Variants in RASAL2 observed in about 807,000 individuals in gnomAD.
The protein encoded by RASAL2 is ras GTPase-activating protein nGAP.
In RASAL2, 58 loss-of-function variants were observed where a neutral mutation model predicts 128.9. The observed-to-expected ratio is 0.45, with a 90% CI of 0.36 to 0.56. RASAL2 has a LOEUF of 0.56. RASAL2 is among the 20% of genes least tolerant of loss of function. RASAL2 has a pLI of 0.00. For synonymous variants in RASAL2, 561 were observed against 580.8 expected (o/e 0.97, Z 0.49); for missense variants, 1,360 against 1,601.6 (o/e 0.85, Z 2.57).
chr1:178,278,563 T>C (rs1054538431), intron 1 of RASAL2, among the ~76,000 whole-genome samples: 2 of 152,194 alleles, frequency 1.3e-5, no homozygotes, highest in African/African-American at 4.8e-5. Context: ...TAGTAAATGA[T>C]GTGATTCAAA....
intron 1 of RASAL2, among the ~76,000 whole-genome samples, chr1:178,129,207 T>C (rs1290876821): frequency 2.6e-5 from 4 of 152,264 alleles, no homozygotes; most frequent in Admixed American, 1.3e-4. Context: ...TCCACTAGTA[T>C]TGTATAAGGG....
rs1427270679 is a variant in RASAL2 at position 178,135,331 on chromosome 1, G to GGGAT, written c.202+40637_202+40638insGGAT. On this transcript the variant is annotated intron_variant, in intron 1 of 17. Transcript: ENST00000367649. Reference sequence around the variant, plus strand: ...GATGGAGCTTATGTTGAGAAATAAAGTTTATACTTTCTATTTTCATCTAAT... The same window carrying GGGAT: ...GATGGAGCTTATGTTGAGAAATAAAGGGATTTTATACTTTCTATTTTCATCTAAT... Among the ~76,000 whole-genome samples the GGGAT allele has an allele frequency of 5.9e-5, 9 of 152,098 alleles. No individual in the cohort carries two copies. In the East Asian group the frequency reaches 1.5e-3, roughly 26 times the overall value.
Position 178,457,822 on chromosome 1 carries a change from A to G in RASAL2, c.2530A>G (p.Asn844Asp). 1 of 1,614,162 alleles carries G rather than the reference A, an allele frequency of 6.2e-7. No individual in the cohort carries two copies. Among genetic ancestry groups the G allele is most frequent in the South Asian group, 1.1e-5 (1 of 91,076 alleles). The change falls in exon 14 of 18, where the codon AAT becomes GAT. Residue 844 changes from asparagine (N) to aspartate (D), a missense_variant. Around this residue, in one of 3 missense-constraint regions of RASAL2, gnomAD observed 741 missense variants for 868.6 expected, o/e 0.85. Transcript: ENST00000367649. ...EKDERESSLPNGRSVSLMDLQ... is the reference protein window; with the variant it reads ...EKDERESSLPDGRSVSLMDLQ... ...GGATGAAAGGGAAAGTAGCCTTCCT[A>G]ATGGTCGGAGCGTCTCCCTCATGGA...
chr1:178,453,830 G>C (rs1284945076), intron 11 of RASAL2, among the ~76,000 whole-genome samples: 2 of 152,218 alleles, frequency 1.3e-5, no homozygotes, highest in Admixed American at 1.3e-4. Flanking sequence ...TCAGTGAACA[G>C]ATTGTTTTCT....
At chr1:178,191,173 TC>T (rs1156263273) in intron 1 of RASAL2, among the ~76,000 whole-genome samples, 3 of 152,078 alleles carry the variant, frequency 2.0e-5, no homozygotes, top group Non-Finnish European at 4.4e-5. Flanking sequence ...TGGAAAAACC[TC>T]TTAGCATACA....
At chr1:178,436,551 T>G (rs1676266507) in intron 5 of RASAL2, among the ~76,000 whole-genome samples, 1 of 152,050 alleles carries the variant, frequency 6.6e-6, no homozygotes, top group Non-Finnish European at 1.5e-5. Flanking sequence ...TAAGTTTCAG[T>G]AAAATAATAC....
intron 5 of RASAL2, among the ~76,000 whole-genome samples, chr1:178,421,762 A>G (rs1675156637): frequency 6.6e-6 from 1 of 151,970 alleles, no homozygotes; most frequent in Non-Finnish European, 1.5e-5. Flanking sequence ...AAATGAAGGG[A>G]CTTGATGAGG....
intron 1 of RASAL2, among the ~76,000 whole-genome samples, chr1:178,213,591 A>G (rs1246102666): frequency 6.6e-6 from 1 of 152,196 alleles, no homozygotes; most frequent in Non-Finnish European, 1.5e-5. Context: ...TGAATCTGAG[A>G]CACAATGATG....
chr1:178,360,616 C>G (rs1671056086), intron 3 of RASAL2, among the ~76,000 whole-genome samples: 1 of 152,178 alleles, frequency 6.6e-6, no homozygotes, highest in African/African-American at 2.4e-5. Flanking sequence ...ACAGGCTGCT[C>G]CACTGCAGCA....
chr1:178,159,347 A>G (rs1230469238), intron 1 of RASAL2, among the ~76,000 whole-genome samples: 2 of 152,164 alleles, frequency 1.3e-5, no homozygotes, highest in African/African-American at 2.4e-5. Flanking sequence ...ACTGTCATGT[A>G]TATATTTACT....
intron 1 of RASAL2, among the ~76,000 whole-genome samples, chr1:178,097,057 G>T (rs1658717724): frequency 6.6e-6 from 1 of 152,200 alleles, no homozygotes. Context: ...AACCTTCGTT[G>T]TCTTGGATCA....
intron 3 of RASAL2, among the ~76,000 whole-genome samples, chr1:178,305,337 C>A (rs2102284326): frequency 6.6e-6 from 1 of 152,210 alleles, no homozygotes; most frequent in Non-Finnish European, 1.5e-5. Flanking sequence ...CCCTGAATAG[C>A]CAAAGTCATT....
intron 3 of RASAL2, among the ~76,000 whole-genome samples, chr1:178,308,218 C>T (rs963825305): frequency 6.6e-6 from 1 of 151,944 alleles, no homozygotes; most frequent in Non-Finnish European, 1.5e-5. Context: ...TAGTATGCCT[C>T]CGATATATTC....
At chr1:178,343,228 T>C (rs755358224) in intron 3 of RASAL2, among the ~76,000 whole-genome samples, 1 of 152,170 alleles carries the variant, frequency 6.6e-6, no homozygotes, top group Non-Finnish European at 1.5e-5. Flanking sequence ...CAAGTCTGTG[T>C]GGAATGGGCA....
intron 1 of RASAL2, 87 bp downstream of exon 1, chr1:178,094,781 A>C: frequency 6.7e-7 from 1 of 1,498,204 alleles, no homozygotes; most frequent in Non-Finnish European, 9.1e-7. Context: ...GCTCATTCCC[A>C]GTCCTCATCC....
intron 1 of RASAL2, among the ~76,000 whole-genome samples, chr1:178,154,291 T>C (rs316247): frequency 1 from 152,039 of 152,190 alleles, 75,944 homozygotes; most frequent in Middle Eastern, 1. Flanking sequence ...GGACTATAAC[T>C]ATGCATCACC....
At chr1:178,173,207 C>T (rs990230315) in intron 1 of RASAL2, among the ~76,000 whole-genome samples, 3 of 151,994 alleles carry the variant, frequency 2.0e-5, no homozygotes, top group Non-Finnish European at 4.4e-5. Flanking sequence ...ACACAAATTC[C>T]AATGTGCCAC....
chr1:178,382,513 A>G (rs1448556429), intron 3 of RASAL2, among the ~76,000 whole-genome samples: 1 of 152,126 alleles, frequency 6.6e-6, no homozygotes, highest in Non-Finnish European at 1.5e-5. Context: ...GGAGAACAGG[A>G]TAGAATGCAT....
At chr1:178,190,345 C>T (rs1662449590) in intron 1 of RASAL2, among the ~76,000 whole-genome samples, 1 of 152,034 alleles carries the variant, frequency 6.6e-6, no homozygotes, top group African/African-American at 2.4e-5. Context: ...ATACTCTGAA[C>T]AGTTAGAGGA....
Sources: allele counts gnomAD v4.1 joint callset (sites outside exome capture counted in the v4.1 genomes callset), GRCh38; gene constraint gnomAD v4.1.1; regional missense constraint gnomAD v4.1.1; transcripts MANE v1.5; gene names NCBI Gene and HGNC (gene_info 2026-07-23, HGNC 2026-07-21).